The following ZC3H12B variants were observed in gnomAD, a reference collection of about 807,000 sequenced individuals.
ZC3H12B encodes the protein zinc finger CCCH-type containing 12B.
A neutral mutation model predicts 43.9 loss-of-function variants in ZC3H12B; 7 were observed. That is an observed-to-expected ratio of 0.16 (90% confidence interval 0.09 to 0.30). The LOEUF (loss-of-function observed/expected upper bound fraction) is 0.30. Ranked by LOEUF, ZC3H12B falls within the 10% of genes least tolerant of loss-of-function variation. ZC3H12B has a pLI of 1.00. For missense variants in ZC3H12B, 475 were observed against 670.2 expected (o/e 0.71, Z 3.22); for synonymous variants, 222 against 241.7 (o/e 0.92, Z 0.76).
the ZC3H12B span, among the ~76,000 whole-genome samples, chrX:65,169,714 G>T: frequency 1.8e-5 from 2 of 111,968 alleles, no homozygotes; most frequent in Non-Finnish European, 3.8e-5. Context: ...GAATCTGGGT[G>T]TTCCTGTATT....
the ZC3H12B span, among the ~76,000 whole-genome samples, chrX:65,269,591 C>T: frequency 9.0e-6 from 1 of 110,611 alleles, no homozygotes; most frequent in South Asian, 3.8e-4. Context: ...CCTCAACTTT[C>T]TGGCCACAAG....
chrX:65,241,007 G>C, the ZC3H12B span, among the ~76,000 whole-genome samples: 1 of 111,618 alleles, frequency 9.0e-6, no homozygotes, highest in African/African-American at 3.3e-5. Flanking sequence ...CCTGTTGGGA[G>C]CTCTCACCCA....
At chrX:65,347,455 C>T in the ZC3H12B span, among the ~76,000 whole-genome samples, 1 of 112,041 alleles carries the variant, frequency 8.9e-6, no homozygotes, top group Non-Finnish European at 1.9e-5. Context: ...CAAAAGAAGA[C>T]ATTTATGCAG....
At chrX:65,223,817 T>C in the ZC3H12B span, among the ~76,000 whole-genome samples, 2 of 111,676 alleles carry the variant, frequency 1.8e-5, no homozygotes, top group African/African-American at 3.3e-5. Context: ...AATCAAAAAG[T>C]ACTAGATGTT....
the ZC3H12B span, among the ~76,000 whole-genome samples, chrX:65,247,924 T>A: frequency 8.9e-5 from 10 of 112,371 alleles, no homozygotes; most frequent in East Asian, 1.1e-3. Context: ...TTTGCCTATT[T>A]GAAATTGCTA....
chrX:65,450,883 GTGTATATA>G (rs1218026879), intron 3 of ZC3H12B, among the ~76,000 whole-genome samples: 1 of 80,861 alleles, frequency 1.2e-5, no homozygotes, highest in African/African-American at 4.6e-5. Context: ...ATATACATAT[GTGTATATA>G]TGTATATATA....
At chrX:65,285,049 G>A in the ZC3H12B span, among the ~76,000 whole-genome samples, 3 of 110,270 alleles carry the variant, frequency 2.7e-5, no homozygotes, top group Non-Finnish European at 5.7e-5. Context: ...ACAAAGAAAC[G>A]ATTAGAAAAC....
rs2066777132 is a variant in ZC3H12B, at chrX:65,402,634, C to T, written n.407+3930C>T. ...AAGAGGCTTGGAACAGAGAACGAGACTCTATATGTTTAGGAGAAAATAAGG... is the reference window on the plus strand; with the variant it reads ...AAGAGGCTTGGAACAGAGAACGAGATTCTATATGTTTAGGAGAAAATAAGG... On this transcript the variant is annotated intron_variant and non_coding_transcript_variant, in intron 3 of 5. Coordinates refer to the ZC3H12B transcript ENST00000617377. Among the ~76,000 whole-genome samples the T allele has an allele frequency of 2.7e-5, 3 of 111,926 alleles. No individual in the cohort carries two copies. The South Asian group carries it at 1.1e-3, about 42-fold the overall frequency.
At chrX:65,202,055 T>A in the ZC3H12B span, among the ~76,000 whole-genome samples, 37 of 84,839 alleles carry the variant, frequency 4.4e-4, no homozygotes, top group African/African-American at 1.7e-3. Flanking sequence ...ATAATATATA[T>A]TATATGTAAT....
chrX:65,416,784 G>T lies in ZC3H12B; in HGVS notation n.407+18080G>T, dbSNP rs772886132. On this transcript the variant is annotated intron_variant and non_coding_transcript_variant, in intron 3 of 5. Transcript: ENST00000617377. ...AGCCTGGGCAACAGAGCGAGACTCCGTCAAAAAAAAAAAAAAATGCAAAAT... is the reference window on the plus strand; with the variant it reads ...AGCCTGGGCAACAGAGCGAGACTCCTTCAAAAAAAAAAAAAAATGCAAAAT... Among the ~76,000 whole-genome samples the T allele has an allele frequency of 6.5e-4, 67 of 103,537 alleles. 1 individual carries two copies. Among genetic ancestry groups the T allele is most frequent in the African/African-American group, 2.3e-3 (63 of 27,872 alleles). The allele number at this position is 103,537 out of a possible 115,157, so 89.9% of individuals were successfully genotyped here.
the ZC3H12B span, among the ~76,000 whole-genome samples, chrX:65,279,700 C>G: frequency 8.9e-6 from 1 of 112,014 alleles, no homozygotes; most frequent in Non-Finnish European, 1.9e-5. Flanking sequence ...GCAATTGCAA[C>G]AAAAGCAAAA....
chrX:65,367,573 A>T lies in ZC3H12B; in HGVS notation n.125+811A>T, dbSNP rs1168465653. ...GATTTCCAGTTTCTTCTCGATTTTA[A>T]CTGATTTTTTTTTTACCTATCCAGT... On this transcript the variant is annotated intron_variant and non_coding_transcript_variant, in intron 1 of 5. Transcript: ENST00000617377. Among the ~76,000 whole-genome samples, 4 of 111,448 alleles carry T rather than the reference A, an allele frequency of 3.6e-5. No individual in the cohort carries two copies. The East Asian group carries it at 1.1e-3, about 31-fold the overall frequency.
chrX:65,374,020 CAG>C (rs2066303407), intron 2 of ZC3H12B, among the ~76,000 whole-genome samples: 1 of 32,038 alleles, frequency 3.1e-5, no homozygotes, highest in Admixed American at 5.2e-4. Flanking sequence ...ACTATATATA[CAG>C]TATATATATA....
chrX:65,214,299 G>A, the ZC3H12B span, among the ~76,000 whole-genome samples: 1 of 111,550 alleles, frequency 9.0e-6, no homozygotes, highest in African/African-American at 3.3e-5. Context: ...TTTATCTGTA[G>A]CATGTGATGC....
At chrX:65,443,722 G>A (rs2067336755) in intron 3 of ZC3H12B, among the ~76,000 whole-genome samples, 1 of 112,250 alleles carries the variant, frequency 8.9e-6, no homozygotes, top group Admixed American at 9.4e-5. Flanking sequence ...CCTCATTCCT[G>A]TAAACCCACA....
chrX:65,393,742 A>G (rs771054363), intron 2 of ZC3H12B, among the ~76,000 whole-genome samples: 1 of 111,996 alleles, frequency 8.9e-6, no homozygotes, highest in Non-Finnish European at 1.9e-5. Context: ...GTCACATGGT[A>G]TTTCTGGTTC....
At chrX:65,119,757 T>C in the ZC3H12B span, among the ~76,000 whole-genome samples, 5 of 112,177 alleles carry the variant, frequency 4.5e-5, no homozygotes, top group East Asian at 1.4e-3. Flanking sequence ...CTAGGTTTTC[T>C]TCTAGGATTT....
At chrX:65,132,204 A>T in the ZC3H12B span, among the ~76,000 whole-genome samples, 4 of 111,961 alleles carry the variant, frequency 3.6e-5, no homozygotes, top group African/African-American at 1.3e-4. Flanking sequence ...GTTGGGCAAC[A>T]CAGGGTGGAT....
At chrX:65,064,211 T>C in the ZC3H12B span, among the ~76,000 whole-genome samples, 1 of 111,642 alleles carries the variant, frequency 9.0e-6, no homozygotes, top group East Asian at 2.8e-4. Context: ...AATTTGTTGC[T>C]CTTGCTTCTC....
Sources: allele counts gnomAD v4.1 joint callset (sites outside exome capture counted in the v4.1 genomes callset), GRCh38; gene constraint gnomAD v4.1.1; transcripts MANE v1.5; gene names NCBI Gene and HGNC (gene_info 2026-07-23, HGNC 2026-07-21).